The following CNTNAP2 variants were observed in gnomAD, a reference collection of about 807,000 sequenced individuals.
CNTNAP2 encodes contactin-associated protein-like 2.
A neutral mutation model predicts 155.2 loss-of-function variants in CNTNAP2; 98 were observed. That is an observed-to-expected ratio of 0.63 (90% CI 0.54 to 0.75). The LOEUF is 0.75. Among genes scored for constraint, CNTNAP2 ranks in the 30% least tolerant of loss-of-function variants. CNTNAP2 has a pLI of 0.00. For synonymous variants in CNTNAP2, 651 were observed against 631.2 expected, an observed-to-expected ratio of 1.03 and a Z score of -0.47; for missense variants, 1,727 against 1,688.1, an observed-to-expected ratio of 1.02 and a Z score of -0.40.
chr7:146,958,911 T>C (rs1797496742), intron 3 of CNTNAP2, among the ~76,000 whole-genome samples: 1 of 152,164 alleles, frequency 6.6e-6, no homozygotes, highest in Non-Finnish European at 1.5e-5. Flanking sequence ...TTTTTCTTAG[T>C]TTAACTCAAC....
At chr7:148,054,219 G>T (rs1022571217) in intron 15 of CNTNAP2, among the ~76,000 whole-genome samples, 1 of 152,044 alleles carries the variant, frequency 6.6e-6, no homozygotes, top group Non-Finnish European at 1.5e-5. Context: ...TGATCCACCC[G>T]CCTCGGCCTC....
intron 16 of CNTNAP2, among the ~76,000 whole-genome samples, chr7:148,128,288 T>C (rs1332185756): frequency 6.6e-6 from 1 of 152,212 alleles, no homozygotes; most frequent in African/African-American, 2.4e-5. Flanking sequence ...TATTCAACAT[T>C]TGGAATCTGA....
chr7:146,427,689 A>G (rs969853264), intron 1 of CNTNAP2, among the ~76,000 whole-genome samples: 7 of 152,206 alleles, frequency 4.6e-5, no homozygotes, highest in East Asian at 1.9e-4. Flanking sequence ...TATTTTGTCT[A>G]TAGCTATATA....
chr7:147,661,709 C>T (rs998882007), intron 13 of CNTNAP2, among the ~76,000 whole-genome samples: 6 of 152,084 alleles, frequency 3.9e-5, no homozygotes, highest in South Asian at 2.1e-4. Flanking sequence ...TGTGCCACTA[C>T]GCCTGGCTAA....
At chr7:147,227,458 T>C (rs1584804836) in intron 8 of CNTNAP2, among the ~76,000 whole-genome samples, 1 of 152,078 alleles carries the variant, frequency 6.6e-6, no homozygotes, top group Non-Finnish European at 1.5e-5. Flanking sequence ...AAATGGATGA[T>C]AGGAAAGCAA....
At chr7:148,221,319 A>T (rs1351911034) in intron 19 of CNTNAP2, among the ~76,000 whole-genome samples, 1 of 152,154 alleles carries the variant, frequency 6.6e-6, no homozygotes, top group Admixed American at 6.5e-5. Flanking sequence ...TGATGGCAAC[A>T]CATGAGTGCA....
intron 3 of CNTNAP2, among the ~76,000 whole-genome samples, chr7:146,911,730 G>A (rs972649957): frequency 2.9e-4 from 44 of 151,604 alleles, no homozygotes; most frequent in Non-Finnish European, 4.0e-4. Context: ...TGGGTGCAGC[G>A]CACCAGCATG....
At chr7:147,482,419 A>G (rs988323168) in intron 10 of CNTNAP2, among the ~76,000 whole-genome samples, 12 of 152,026 alleles carry the variant, frequency 7.9e-5, no homozygotes, top group African/African-American at 2.2e-4. Context: ...GAGAATGTCA[A>G]TTTTCAAAAT....
chr7:147,974,984 T>C (rs1327355932), intron 14 of CNTNAP2, among the ~76,000 whole-genome samples: 1 of 151,388 alleles, frequency 6.6e-6, no homozygotes, highest in Non-Finnish European at 1.5e-5. Context: ...TATTATATAA[T>C]ACAAATACAT....
chr7:147,687,672 C>T (rs149627386), intron 13 of CNTNAP2, among the ~76,000 whole-genome samples: 2,502 of 152,082 alleles, frequency 0.016, 224 homozygotes, highest in Admixed American at 0.15. Flanking sequence ...GATTCTCCAA[C>T]TGTATATAAG....
At chr7:146,378,546 A>C (rs1340482344) in intron 1 of CNTNAP2, among the ~76,000 whole-genome samples, 1 of 152,148 alleles carries the variant, frequency 6.6e-6, no homozygotes, top group African/African-American at 2.4e-5. Flanking sequence ...GTTATGTTAG[A>C]ACTGAGGAAA....
intron 9 of CNTNAP2, among the ~76,000 whole-genome samples, chr7:147,314,992 A>G (rs1249201934): frequency 1.3e-5 from 2 of 150,716 alleles, no homozygotes; most frequent in East Asian, 1.9e-4. Flanking sequence ...TTGCTAGCCT[A>G]GTGCAAAAGT....
At chr7:146,400,797 G>A (rs1795703167) in intron 1 of CNTNAP2, among the ~76,000 whole-genome samples, 1 of 152,236 alleles carries the variant, frequency 6.6e-6, no homozygotes, top group African/African-American at 2.4e-5. Context: ...ATAAGGAGTT[G>A]CAGAGGCTGA....
chr7:146,675,597 T>C (rs1297399457), intron 1 of CNTNAP2, among the ~76,000 whole-genome samples: 1 of 152,228 alleles, frequency 6.6e-6, no homozygotes, highest in Non-Finnish European at 1.5e-5. Context: ...GAATGCCATG[T>C]AGTACCTATT....
rs534788177 is a variant in CNTNAP2, at chr7:147,191,115, A to G, written c.1348+58606A>G. Among the ~76,000 whole-genome samples the G allele has an allele frequency of 5.0e-4, 76 of 152,304 alleles. No individual in the cohort carries two copies. In the South Asian group the frequency reaches 0.015, roughly 30 times the overall value. ...ATGTACAGTCTAGAATCATAGAGAC[A>G]GGGTGGGAGAGGCCCAGAGAGAGTT... On this transcript the variant is annotated intron_variant, in intron 8 of 23. Transcript: ENST00000361727.
chr7:147,064,734 C>T (rs369614586), intron 4 of CNTNAP2, among the ~76,000 whole-genome samples: 4 of 152,272 alleles, frequency 2.6e-5, no homozygotes, highest in Middle Eastern at 3.4e-3. Context: ...GAAGAAATTA[C>T]TGTAGGGAAT....
At chr7:147,007,893 T>C (rs1303045033) in intron 3 of CNTNAP2, among the ~76,000 whole-genome samples, 2 of 152,042 alleles carry the variant, frequency 1.3e-5, no homozygotes, top group South Asian at 2.1e-4. Context: ...TAAAATACAC[T>C]AAAATAAAAT....
At chr7:147,133,326 C>T in intron 8 of CNTNAP2, among the ~76,000 whole-genome samples, 1 of 151,918 alleles carries the variant, frequency 6.6e-6, no homozygotes, top group East Asian at 1.9e-4. Context: ...TTGTGAAGAA[C>T]TACTTAGAAA....
chr7:148,080,782 CA>C (rs200664800), intron 15 of CNTNAP2, among the ~76,000 whole-genome samples: 1,766 of 151,998 alleles, frequency 0.012, 32 homozygotes, highest in African/African-American at 0.04. Flanking sequence ...AATTATAGAG[CA>C]GGGGGGGAAA....
Sources: allele counts gnomAD v4.1 joint callset (sites outside exome capture counted in the v4.1 genomes callset), GRCh38; gene constraint gnomAD v4.1.1; transcripts MANE v1.5; gene names NCBI Gene and HGNC (gene_info 2026-07-23, HGNC 2026-07-21).